RMST: variants seen among roughly 807,000 people sequenced by gnomAD.
RMST encodes the protein rhabdomyosarcoma 2 associated transcript.
At chr12:97,496,448 A>G (rs1877427866) in intron 10 of RMST, among the ~76,000 whole-genome samples, 1 of 152,206 alleles carries the variant, frequency 6.6e-6, no homozygotes, top group Non-Finnish European at 1.5e-5. Flanking sequence ...CCTCAAACAT[A>G]TATGTGTTTT....
At chr12:97,474,087 G>A (rs1874242272) in intron 5 of RMST, among the ~76,000 whole-genome samples, 1 of 152,080 alleles carries the variant, frequency 6.6e-6, no homozygotes, top group Non-Finnish European at 1.5e-5. Context: ...TCTGTGAGCT[G>A]GGGAAGACAG....
intron 10 of RMST, among the ~76,000 whole-genome samples, chr12:97,498,345 G>C (rs546511178): frequency 6.6e-6 from 1 of 152,192 alleles, no homozygotes; most frequent in East Asian, 1.9e-4. Context: ...GGACTGGTTC[G>C]CATTTCTGCT....
rs115130090 is a variant in RMST at position 97,473,755 on chromosome 12, A to T, written n.644+8028A>T. On this transcript the variant is annotated intron_variant and non_coding_transcript_variant, in intron 5 of 13. Transcript: ENST00000640149. ...TCTCGCTTTCTATCTCAAATAGGAA[A>T]GTTTACTATTTTAAGGAAAAACAAC... Among the ~76,000 whole-genome samples the T allele has an allele frequency of 7.7e-3, 1,168 of 152,236 alleles. 19 individuals carry two copies. Among genetic ancestry groups the T allele is most frequent in the African/African-American group, 0.027 (1,113 of 41,546 alleles).
At chr12:97,472,325 A>G (rs1018898206) in intron 5 of RMST, among the ~76,000 whole-genome samples, 3 of 152,130 alleles carry the variant, frequency 2.0e-5, no homozygotes, top group Non-Finnish European at 4.4e-5. Flanking sequence ...CTCTCATCAG[A>G]TGTTGTGCTT....
intron 5 of RMST, among the ~76,000 whole-genome samples, chr12:97,473,858 A>T (rs989755926): frequency 3.3e-5 from 5 of 152,166 alleles, no homozygotes; most frequent in Non-Finnish European, 5.9e-5. Flanking sequence ...ACTTCACTTT[A>T]AAAGCCTTGA....
At chr12:97,508,444 C>T (rs555669380) in intron 10 of RMST, among the ~76,000 whole-genome samples, 23 of 152,144 alleles carry the variant, frequency 1.5e-4, no homozygotes, top group Non-Finnish European at 3.1e-4. Flanking sequence ...ATTTCCTCCT[C>T]CTGGGGTCCT....
chr12:97,521,871 A>G (rs1369708471), intron 10 of RMST, among the ~76,000 whole-genome samples: 1 of 152,202 alleles, frequency 6.6e-6, no homozygotes, highest in Admixed American at 6.5e-5. Flanking sequence ...GAAAGAAAGC[A>G]TCTAGAAACC....
At position 97,544,083 on chromosome 12, in the gene RMST, A is replaced by G. The variant is rs546336387; in HGVS notation, n.1545+13224A>G. On this transcript the variant is annotated intron_variant and non_coding_transcript_variant, in intron 11 of 13. Coordinates refer to ENST00000640149, the Ensembl canonical transcript of RMST. ...CTCCTTGCCCTTCTATCAAAAAGAAAGAAGAGGAGACTAGAAGACTAATGC... is the reference window on the plus strand; with the variant it reads ...CTCCTTGCCCTTCTATCAAAAAGAAGGAAGAGGAGACTAGAAGACTAATGC... Among the ~76,000 whole-genome samples the G allele has an allele frequency of 6.6e-5, 10 of 152,190 alleles. No homozygotes were observed. In the South Asian group the frequency reaches 2.1e-3, roughly 32 times the overall value.
At chr12:97,497,974 T>C (rs1287081528) in intron 10 of RMST, among the ~76,000 whole-genome samples, 1 of 152,122 alleles carries the variant, frequency 6.6e-6, no homozygotes, top group Non-Finnish European at 1.5e-5. Flanking sequence ...AGATCAATCA[T>C]CCATGGTTCA....
chr12:97,534,205 A>G (rs1881896306), intron 11 of RMST, among the ~76,000 whole-genome samples: 1 of 151,764 alleles, frequency 6.6e-6, no homozygotes, highest in Non-Finnish European at 1.5e-5. Flanking sequence ...GCTTCAGTAC[A>G]TTGAGTTGTC....
intron 11 of RMST, among the ~76,000 whole-genome samples, chr12:97,540,201 G>A (rs902404371): frequency 5.3e-5 from 8 of 151,650 alleles, no homozygotes; most frequent in Non-Finnish European, 1.0e-4. Context: ...TTGTAGTGGT[G>A]TGCACACAGT....
intron 11 of RMST, among the ~76,000 whole-genome samples, chr12:97,557,435 A>T (rs1168665875): frequency 1.3e-5 from 2 of 152,152 alleles, no homozygotes; most frequent in African/African-American, 4.8e-5. Context: ...CTCTGAAAAC[A>T]AATAGAGTCT....
intron 10 of RMST, among the ~76,000 whole-genome samples, chr12:97,500,696 A>T (rs1461255516): frequency 6.6e-6 from 1 of 152,168 alleles, no homozygotes; most frequent in African/African-American, 2.4e-5. Context: ...AGCTAGAGCC[A>T]TTGGGACACA....
chr12:97,556,165 G>C (rs1883693437), intron 11 of RMST, among the ~76,000 whole-genome samples: 1 of 152,112 alleles, frequency 6.6e-6, no homozygotes, highest in Admixed American at 6.6e-5. Context: ...TTACATCTCA[G>C]TTTTTACCTA....
chr12:97,494,407 G>A (rs1180713747), intron 8 of RMST, among the ~76,000 whole-genome samples: 1 of 152,040 alleles, frequency 6.6e-6, no homozygotes, highest in Non-Finnish European at 1.5e-5. Context: ...AAATTAATCC[G>A]GGTGCAGTGA....
exon 14 of RMST, chr12:97,564,187 G>A (rs537793944): frequency 7.6e-5 from 17 of 222,632 alleles, no homozygotes; most frequent in Non-Finnish European, 1.1e-4. Flanking sequence ...CCCACCAGTC[G>A]GGTAGGCAGC....
chr12:97,497,677 T>TG (rs1395571490), intron 10 of RMST, among the ~76,000 whole-genome samples: 1 of 146,344 alleles, frequency 6.8e-6, no homozygotes, highest in Admixed American at 6.7e-5. Flanking sequence ...GGCACAAGGA[T>TG]GATTTTTTTT....
intron 11 of RMST, among the ~76,000 whole-genome samples, chr12:97,540,115 T>C (rs373514806): frequency 9.1e-4 from 138 of 151,812 alleles, no homozygotes; most frequent in African/African-American, 3.2e-3. Flanking sequence ...GGATAGATTG[T>C]AGGCGCATTG....
intron 5 of RMST, among the ~76,000 whole-genome samples, chr12:97,480,446 A>G (rs1385198034): frequency 6.6e-6 from 1 of 152,104 alleles, no homozygotes; most frequent in Non-Finnish European, 1.5e-5. Context: ...GTAGTTCAGA[A>G]CTACTGCTAC....
Sources: allele counts gnomAD v4.1 joint callset (sites outside exome capture counted in the v4.1 genomes callset), GRCh38; gene constraint gnomAD v4.1.1; transcripts MANE v1.5; gene names NCBI Gene and HGNC (gene_info 2026-07-23, HGNC 2026-07-21).